The following GRID2 variants were observed in gnomAD, a reference collection of about 807,000 sequenced individuals.
GRID2 encodes the protein glutamate ionotropic receptor delta type subunit 2.
GRID2 carries 33 observed loss-of-function variants against 114.8 expected under a neutral mutation model. That is an observed-to-expected ratio of 0.29 (90% CI 0.22 to 0.38). GRID2 has a LOEUF of 0.38. Ranked by LOEUF, GRID2 falls within the 10% of genes least tolerant of loss-of-function variation. GRID2 has a pLI of 1.00. For synonymous variants in GRID2, 505 were observed against 449.9 expected, an observed-to-expected ratio of 1.12 and a Z score of -1.55; for missense variants, 1,184 against 1,257.7, an observed-to-expected ratio of 0.94 and a Z score of 0.89.
At chr4:92,737,975 C>T (rs1247898222) in intron 2 of GRID2, among the ~76,000 whole-genome samples, 1 of 152,072 alleles carries the variant, frequency 6.6e-6, no homozygotes, top group Non-Finnish European at 1.5e-5. Flanking sequence ...CAATGTTTCT[C>T]TCATTGTTTC....
chr4:92,473,438 A>G (rs1166774668), intron 1 of GRID2, among the ~76,000 whole-genome samples: 1 of 152,080 alleles, frequency 6.6e-6, no homozygotes, highest in African/African-American at 2.4e-5. Flanking sequence ...GCACTAGGCA[A>G]TACATCCAGG....
intron 14 of GRID2, among the ~76,000 whole-genome samples, chr4:93,713,958 G>T (rs1264600393): frequency 4.0e-5 from 6 of 151,846 alleles, no homozygotes; most frequent in Admixed American, 2.0e-4. Flanking sequence ...TGTAAGTTCA[G>T]GGGTATATGT....
At chr4:92,838,589 C>T (rs1278989362) in intron 2 of GRID2, among the ~76,000 whole-genome samples, 1 of 152,022 alleles carries the variant, frequency 6.6e-6, no homozygotes, top group Non-Finnish European at 1.5e-5. Flanking sequence ...TAATTTGAAA[C>T]CAAAAGGCTG....
intron 8 of GRID2, among the ~76,000 whole-genome samples, chr4:93,348,532 C>T (rs1042861273): frequency 6.6e-6 from 1 of 152,164 alleles, no homozygotes; most frequent in Non-Finnish European, 1.5e-5. Flanking sequence ...CTGCGGGGCT[C>T]ATGGCCTTCA....
rs529027090 is a variant in GRID2 at position 93,719,248 on chromosome 4, C to A, written c.2361-49962C>A. Among the ~76,000 whole-genome samples the A allele has an allele frequency of 1.1e-4, 16 of 152,104 alleles. No homozygotes were observed. In the East Asian group the frequency reaches 2.9e-3, roughly 28 times the overall value. The stretch of plus-strand genomic sequence containing the variant: ...GCTATCTATATATATTAAGTTGAAT[C>A]TAACTCAATTTTACAAGTTTGACAA... On this transcript the variant is annotated intron_variant, in intron 14 of 15. Transcript: ENST00000282020.
chr4:92,653,859 T>C (rs945634105), intron 2 of GRID2, among the ~76,000 whole-genome samples: 2 of 152,152 alleles, frequency 1.3e-5, no homozygotes, highest in African/African-American at 4.8e-5. Context: ...TGACATCTTA[T>C]GTGGTCATAA....
At chr4:93,220,836 G>A (rs758149568) in intron 6 of GRID2, among the ~76,000 whole-genome samples, 5 of 152,108 alleles carry the variant, frequency 3.3e-5, no homozygotes, top group Admixed American at 2.0e-4. Flanking sequence ...TTTTTAAAAC[G>A]TCTATCACTA....
chr4:93,489,962 A>T (rs1246648576), intron 11 of GRID2, among the ~76,000 whole-genome samples: 1 of 151,946 alleles, frequency 6.6e-6, no homozygotes, highest in Non-Finnish European at 1.5e-5. Context: ...GTGTTATCAA[A>T]GTATACTGTA....
Position 92,675,876 on chromosome 4 carries a change from T to C in GRID2, c.244+85590T>C, listed in dbSNP as rs533951161. ...GCCTGAGCTACCATTTTTTTAGTGGTGGTTTGGAAGCGTCCCCAGGTAGAA... is the reference window on the plus strand; with the variant it reads ...GCCTGAGCTACCATTTTTTTAGTGGCGGTTTGGAAGCGTCCCCAGGTAGAA... On this transcript the variant is annotated intron_variant, in intron 2 of 15. Transcript: ENST00000282020. Among the ~76,000 whole-genome samples, 8 of 151,718 alleles carry C rather than the reference T, an allele frequency of 5.3e-5. No individual in the cohort carries two copies. The East Asian group carries it at 1.4e-3, about 26-fold the overall frequency.
At chr4:92,412,498 AT>A (rs1156392764) in intron 1 of GRID2, among the ~76,000 whole-genome samples, 1 of 152,010 alleles carries the variant, frequency 6.6e-6, no homozygotes, top group East Asian at 1.9e-4. Flanking sequence ...TTGATTTGTA[AT>A]TTTTATATTT....
chr4:92,667,438 T>C (rs894756396), intron 2 of GRID2, among the ~76,000 whole-genome samples: 1 of 151,660 alleles, frequency 6.6e-6, no homozygotes, highest in Admixed American at 6.6e-5. Context: ...ATCCCTCCTC[T>C]GAAATATATG....
At chr4:92,680,103 T>A (rs1023445368) in intron 2 of GRID2, among the ~76,000 whole-genome samples, 6 of 151,956 alleles carry the variant, frequency 3.9e-5, no homozygotes, top group African/African-American at 1.5e-4. Context: ...TTACTGGAGT[T>A]TTAGAAGGTA....
At chr4:92,583,035 A>C (rs1728255945) in intron 1 of GRID2, among the ~76,000 whole-genome samples, 1 of 152,002 alleles carries the variant, frequency 6.6e-6, no homozygotes, top group Non-Finnish European at 1.5e-5. Context: ...TTATTTTCTT[A>C]TCTGGAAATT....
At chr4:92,797,877 A>G (rs561483884) in intron 2 of GRID2, among the ~76,000 whole-genome samples, 3 of 152,020 alleles carry the variant, frequency 2.0e-5, no homozygotes, top group African/African-American at 7.2e-5. Flanking sequence ...TACACTAATC[A>G]CCTACACTTA....
chr4:92,747,799 A>G (rs1737227986), intron 2 of GRID2, among the ~76,000 whole-genome samples: 1 of 152,150 alleles, frequency 6.6e-6, no homozygotes, highest in South Asian at 2.1e-4. Context: ...TCCAGGTAAG[A>G]CCTTGATGTT....
chr4:92,743,279 C>A (rs1010876606), intron 2 of GRID2, among the ~76,000 whole-genome samples: 6 of 152,168 alleles, frequency 3.9e-5, no homozygotes, highest in African/African-American at 1.4e-4. Context: ...CCTGTCTCAA[C>A]AAATCGTCAT....
intron 14 of GRID2, among the ~76,000 whole-genome samples, chr4:93,697,865 G>GTATATATATATATATA (rs574552355): frequency 0.042 from 3,161 of 74,746 alleles, 184 homozygotes; most frequent in African/African-American, 0.1. Context: ...ATTCCACAAT[G>GTATATATATATATATA]TGTGTATATA....
intron 13 of GRID2, among the ~76,000 whole-genome samples, chr4:93,543,141 A>C (rs1327883291): frequency 1.3e-5 from 2 of 152,198 alleles, no homozygotes; most frequent in Non-Finnish European, 2.9e-5. Flanking sequence ...AATAAAATGA[A>C]AAACACCCTA....
At position 93,515,255 on chromosome 4, in the gene GRID2, T is replaced by C. The variant is rs779865421; in HGVS notation, c.2037T>C (p.Tyr679=). The change falls in exon 13 of 16, where the codon TAT becomes TAC. Residue 679 remains tyrosine (Y), a synonymous_variant. Transcript: ENST00000282020. ...TTTCCAAGCAAACAGAAATCCCTTA[T>C]GGCACAGTCCTAGACTCTGCGGTAT... ...QDLSKQTEIP[Y]GTVLDSAVYE... The C allele has an allele frequency of 6.2e-7, 1 of 1,606,818 alleles. No homozygotes were observed. The highest frequency in any genetic ancestry group is 8.5e-7 in the Non-Finnish European group (1 of 1,175,390).
Sources: gnomAD v4.1 joint callset for allele counts (sites outside exome capture counted in the v4.1 genomes callset) on GRCh38, gnomAD v4.1.1 for gene constraint, MANE v1.5 for transcripts, NCBI Gene and HGNC (gene_info 2026-07-23, HGNC 2026-07-21) for gene names.